SYT16: variants seen among roughly 807,000 people sequenced by gnomAD.
The protein encoded by SYT16 is synaptotagmin 16.
A neutral mutation model predicts 61.4 loss-of-function variants in SYT16; 42 were observed. That is an observed-to-expected ratio of 0.68 (90% CI 0.53 to 0.89). The LOEUF is 0.89. Ranked by LOEUF, SYT16 falls within the 40% of genes least tolerant of loss-of-function variation. The probability of loss-of-function intolerance (pLI) is 0.00; values close to 1 mark genes in which losing one functional copy is unlikely to be tolerated. For synonymous variants in SYT16, 314 were observed against 302.3 expected (o/e 1.04, Z -0.40); for missense variants, 804 against 807.3 (o/e 1.00, Z 0.05).
At chr14:61,926,201 G>T in intron 1 of SYT16, among the ~76,000 whole-genome samples, 1 of 141,888 alleles carries the variant, frequency 7.0e-6, no homozygotes, top group East Asian at 1.9e-4. Flanking sequence ...GAAGGAATTT[G>T]CTTTCTTAGG....
intron 2 of SYT16, among the ~76,000 whole-genome samples, chr14:61,981,529 A>G (rs1198541907): frequency 1.3e-5 from 2 of 152,222 alleles, no homozygotes; most frequent in African/African-American, 2.4e-5. Flanking sequence ...TTCAACAATT[A>G]TTAACAAAGA....
intron 1 of SYT16, among the ~76,000 whole-genome samples, chr14:61,856,667 T>C (rs1379140457): frequency 6.6e-6 from 1 of 152,126 alleles, no homozygotes; most frequent in African/African-American, 2.4e-5. Context: ...CTATTAAACA[T>C]CCTATTGGAG....
intron 1 of SYT16, among the ~76,000 whole-genome samples, chr14:61,863,066 A>G (rs2047014210): frequency 6.6e-6 from 1 of 152,244 alleles, no homozygotes; most frequent in Non-Finnish European, 1.5e-5. Flanking sequence ...AATTATGAGT[A>G]AAGCTGCTAT....
chr14:61,864,699 G>T (rs1818233061), intron 1 of SYT16, among the ~76,000 whole-genome samples: 1 of 152,248 alleles, frequency 6.6e-6, no homozygotes, highest in African/African-American at 2.4e-5. Context: ...CCGCTCCGCC[G>T]ATATGATGTG....
intron 1 of SYT16, among the ~76,000 whole-genome samples, chr14:61,896,225 C>A (rs947383091): frequency 1.3e-5 from 2 of 152,158 alleles, no homozygotes; most frequent in Non-Finnish European, 2.9e-5. Context: ...ATACGTCACT[C>A]ACACACTGCT....
chr14:62,012,890 G>T (rs960735561), intron 3 of SYT16, among the ~76,000 whole-genome samples: 1 of 152,204 alleles, frequency 6.6e-6, no homozygotes, highest in Non-Finnish European at 1.5e-5. Flanking sequence ...AATACAGACT[G>T]CAGGGAAACT....
intron 1 of SYT16, among the ~76,000 whole-genome samples, chr14:61,835,549 C>T (rs1018278746): frequency 2.0e-5 from 3 of 151,406 alleles, no homozygotes; most frequent in Admixed American, 6.6e-5. Flanking sequence ...TGAGCCACTG[C>T]GCCCGGCCAG....
Position 62,109,515 on chromosome 14 carries a change from G to A in SYT16, c.*8808G>A, listed in dbSNP as rs74054987. On this transcript the variant is annotated 3_prime_UTR_variant, in exon 8 of 8. Transcript: ENST00000683842. Reference sequence around the variant, plus strand: ...TATATGATCCATCAAATAAAATGTAGCAACTTCCAGTCTAGAATAAATTTC... The same window carrying A: ...TATATGATCCATCAAATAAAATGTAACAACTTCCAGTCTAGAATAAATTTC... 588 of 152,142 alleles carry A rather than the reference G, an allele frequency of 3.9e-3. 5 individuals are homozygous for A. The highest frequency in any genetic ancestry group is 0.013 in the African/African-American group (559 of 41,510). 9.4% of individuals were successfully genotyped at this position (152,142 alleles called of 1,614,324 possible).
intron 1 of SYT16, among the ~76,000 whole-genome samples, chr14:61,821,850 A>G (rs2045628622): frequency 6.6e-6 from 1 of 152,226 alleles, no homozygotes; most frequent in African/African-American, 2.4e-5. Context: ...TGAAACTTTT[A>G]TATCTACTTC....
chr14:61,910,266 C>T (rs956275217), intron 1 of SYT16, among the ~76,000 whole-genome samples: 1 of 151,226 alleles, frequency 6.6e-6, no homozygotes, highest in Non-Finnish European at 1.5e-5. Context: ...GAGACGGGGT[C>T]TCACTGTTGT....
intron 1 of SYT16, among the ~76,000 whole-genome samples, chr14:61,821,821 C>T (rs2045628090): frequency 6.6e-6 from 1 of 152,226 alleles, no homozygotes; most frequent in Non-Finnish European, 1.5e-5. Flanking sequence ...ATCTTAGAGT[C>T]TGTCTGCTAT....
At chr14:61,932,244 A>T (rs1349443318) in intron 1 of SYT16, among the ~76,000 whole-genome samples, 1 of 152,170 alleles carries the variant, frequency 6.6e-6, no homozygotes, top group Non-Finnish European at 1.5e-5. Context: ...ACTACACCAA[A>T]TGCTGGAAAC....
At chr14:62,050,992 C>G (rs1431576205) in intron 3 of SYT16, among the ~76,000 whole-genome samples, 2 of 152,224 alleles carry the variant, frequency 1.3e-5, no homozygotes, top group Non-Finnish European at 2.9e-5. Flanking sequence ...CTACTCTCTT[C>G]AAAACTGTCA....
At chr14:62,049,397 T>TA (rs1264922535) in intron 3 of SYT16, among the ~76,000 whole-genome samples, 5 of 152,234 alleles carry the variant, frequency 3.3e-5, no homozygotes, top group African/African-American at 1.2e-4. Flanking sequence ...GTTTCCTGAA[T>TA]ACAGCACATT....
At chr14:61,858,120 CAAAAAAAAA>C (rs34781118) in intron 1 of SYT16, among the ~76,000 whole-genome samples, 1 of 43,230 alleles carries the variant, frequency 2.3e-5, no homozygotes, top group Non-Finnish European at 5.5e-5. Flanking sequence ...CACAGCTTGG[CAAAAAAAAA>C]AAAAAAAAAA....
At chr14:61,981,162 G>A (rs907140268) in intron 2 of SYT16, among the ~76,000 whole-genome samples, 2 of 152,130 alleles carry the variant, frequency 1.3e-5, no homozygotes, top group Non-Finnish European at 2.9e-5. Context: ...TACCATTAAG[G>A]CCTTCAGTGA....
intron 1 of SYT16, among the ~76,000 whole-genome samples, chr14:61,880,500 C>T (rs2047662080): frequency 1.3e-5 from 2 of 152,120 alleles, no homozygotes; most frequent in East Asian, 3.9e-4. Flanking sequence ...TAAAGTTCCA[C>T]AAAATCCTGT....
At chr14:61,955,664 C>G (rs993841166) in intron 1 of SYT16, among the ~76,000 whole-genome samples, 2 of 151,840 alleles carry the variant, frequency 1.3e-5, no homozygotes, top group African/African-American at 4.8e-5. Context: ...TATGTATATA[C>G]CACATTTTCT....
intron 1 of SYT16, among the ~76,000 whole-genome samples, chr14:61,910,240 T>A (rs1402869500): frequency 3.5e-4 from 1 of 2,856 alleles, no homozygotes; most frequent in East Asian, 0.019. Context: ...TTTTGTTTTG[T>A]TTTGTTTTGT....
Sources: gnomAD v4.1 joint callset for allele counts (sites outside exome capture counted in the v4.1 genomes callset) on GRCh38, gnomAD v4.1.1 for gene constraint, MANE v1.5 for transcripts, NCBI Gene and HGNC (gene_info 2026-07-23, HGNC 2026-07-21) for gene names.